PXDNL: variants seen among roughly 807,000 people sequenced by gnomAD.
PXDNL encodes probable oxidoreductase PXDNL.
A neutral mutation model predicts 150.8 loss-of-function variants in PXDNL; 145 were observed. The observed-to-expected ratio is 0.96, with a 90% CI of 0.84 to 1.10. The LOEUF is 1.10. PXDNL is among the 50% of genes least tolerant of loss of function. The pLI, the probability that PXDNL is intolerant of heterozygous loss-of-function variation, is 0.00. For synonymous variants in PXDNL, 757 were observed against 725.7 expected, an observed-to-expected ratio of 1.04 and a Z score of -0.69; for missense variants, 2,087 against 1,873.9, an observed-to-expected ratio of 1.11 and a Z score of -2.10.
intron 1 of PXDNL, among the ~76,000 whole-genome samples, chr8:51,803,444 G>C (rs2037642340): frequency 6.6e-6 from 1 of 151,936 alleles, no homozygotes; most frequent in Non-Finnish European, 1.5e-5. Context: ...AAATTCACTT[G>C]ACCCTGTCCC....
At chr8:51,648,750 T>C (rs1814975096) in intron 2 of PXDNL, among the ~76,000 whole-genome samples, 1 of 152,230 alleles carries the variant, frequency 6.6e-6, no homozygotes, top group African/African-American at 2.4e-5. Flanking sequence ...TTTATAGATA[T>C]GGAAACTAAC....
intron 2 of PXDNL, among the ~76,000 whole-genome samples, chr8:51,645,561 G>A (rs1356846236): frequency 6.6e-6 from 1 of 152,180 alleles, no homozygotes; most frequent in Non-Finnish European, 1.5e-5. Flanking sequence ...ACTGCTGATA[G>A]CAGTGAGGTG....
chr8:51,786,694 G>C (rs530294184), intron 1 of PXDNL, among the ~76,000 whole-genome samples: 1 of 152,194 alleles, frequency 6.6e-6, no homozygotes, highest in South Asian at 2.1e-4. Context: ...ACAAGGTGAA[G>C]CAGCAAGTTT....
chr8:51,580,801 G>T (rs183362877), intron 3 of PXDNL, among the ~76,000 whole-genome samples: 2 of 152,032 alleles, frequency 1.3e-5, no homozygotes, highest in African/African-American at 2.4e-5. Context: ...AAGAAATAAC[G>T]TCTCACATGT....
chr8:51,492,488 A>G (rs1821112), intron 5 of PXDNL, among the ~76,000 whole-genome samples: 54,840 of 151,880 alleles, frequency 0.36, 11,913 homozygotes, highest in African/African-American at 0.61. Flanking sequence ...GCAAGGCATC[A>G]CCTCACCCAG....
intron 19 of PXDNL, among the ~76,000 whole-genome samples, chr8:51,349,716 G>A (rs1047269881): frequency 6.6e-6 from 1 of 152,178 alleles, no homozygotes; most frequent in African/African-American, 2.4e-5. Flanking sequence ...AATAAACAAG[G>A]TCAAGTTTGG....
chr8:51,611,406 T>C (rs1421657878), intron 2 of PXDNL, among the ~76,000 whole-genome samples: 1 of 152,216 alleles, frequency 6.6e-6, no homozygotes, highest in East Asian at 1.9e-4. Flanking sequence ...GTGTTTATTA[T>C]ATTGTTTTAG....
Position 51,472,316 on chromosome 8 carries a change from G to C in PXDNL, c.695-12C>G, listed in dbSNP as rs771324895. The C allele has an allele frequency of 9.4e-6, 15 of 1,591,066 alleles. No individual in the cohort carries two copies. The African/African-American group carries it at 1.5e-4, about 16-fold the overall frequency. On this transcript the variant is annotated splice_polypyrimidine_tract_variant and intron_variant, in intron 7 of 22. Transcript: ENST00000356297. ...AATTCGGGGGCTCTCTGCAACAAAA[G>C]AATTATTGATGTATTTTTCAGAGAT...
At chr8:51,484,723 G>A (rs903248308) in intron 5 of PXDNL, among the ~76,000 whole-genome samples, 1 of 152,134 alleles carries the variant, frequency 6.6e-6, no homozygotes, top group African/African-American at 2.4e-5. Flanking sequence ...GAAGATCCAG[G>A]CCTCAGTACC....
chr8:51,455,798 A>G (rs528824907), intron 9 of PXDNL, among the ~76,000 whole-genome samples: 1 of 152,248 alleles, frequency 6.6e-6, no homozygotes, highest in African/African-American at 2.4e-5. Flanking sequence ...AGGCCTAGGC[A>G]GGAGGATCAC....
At chr8:51,547,557 T>G (rs1222671358) in intron 4 of PXDNL, among the ~76,000 whole-genome samples, 1 of 152,092 alleles carries the variant, frequency 6.6e-6, no homozygotes, top group East Asian at 1.9e-4. Flanking sequence ...TACAGCCCAG[T>G]AGCCCTACTG....
At chr8:51,765,891 T>C (rs1006568072) in intron 1 of PXDNL, among the ~76,000 whole-genome samples, 3 of 151,808 alleles carry the variant, frequency 2.0e-5, no homozygotes, top group Admixed American at 2.0e-4. Context: ...TCCCCCAGGC[T>C]GGAGTGCAGT....
chr8:51,505,237 T>C (rs1317980903), intron 4 of PXDNL, among the ~76,000 whole-genome samples: 2 of 152,172 alleles, frequency 1.3e-5, no homozygotes, highest in African/African-American at 4.8e-5. Context: ...ACAAAAATCT[T>C]CCTATGATCT....
At chr8:51,520,852 G>A (rs1282012350) in intron 4 of PXDNL, among the ~76,000 whole-genome samples, 2 of 151,972 alleles carry the variant, frequency 1.3e-5, no homozygotes, top group African/African-American at 4.8e-5. Flanking sequence ...CAAACATTCC[G>A]AAGAAACAAA....
rs776726469 is a variant in PXDNL at position 51,408,233 on chromosome 8, A to T, written c.3391T>A (p.Tyr1131Asn). The T allele has an allele frequency of 2.4e-5, 38 of 1,614,000 alleles. No individual in the cohort carries two copies. The South Asian group carries it at 3.5e-4, about 15-fold the overall frequency. ...ELTQRLFSAA[Y>N]SAAVDSAATI... is the part of the protein sequence containing the mutation. ...GCAGCCGAATCCACGGCCGCAGAAT[A>T]AGCCGCGGAGAAGAGCCTCTGGGTC... is the stretch of plus-strand genomic sequence containing the variant. The change falls in exon 17 of 23, where the codon TAT becomes AAT. Residue 1131 changes from tyrosine (Y) to asparagine (N), a missense_variant. Physicochemically the swap from Tyr to Asn is moderately radical, Grantham distance 143. Transcript: ENST00000356297.
At chr8:51,523,583 C>T (rs1209733533) in intron 4 of PXDNL, among the ~76,000 whole-genome samples, 2 of 152,184 alleles carry the variant, frequency 1.3e-5, no homozygotes, top group Non-Finnish European at 2.9e-5. Flanking sequence ...AAGAATTCAG[C>T]TAGATGATGC....
chr8:51,572,280 T>C (rs1177205396), intron 3 of PXDNL, among the ~76,000 whole-genome samples: 1 of 151,914 alleles, frequency 6.6e-6, no homozygotes, highest in Non-Finnish European at 1.5e-5. Context: ...GCAGTATTCA[T>C]AGCAGCATAA....
At chr8:51,608,449 T>C (rs1813919474) in intron 2 of PXDNL, among the ~76,000 whole-genome samples, 1 of 146,446 alleles carries the variant, frequency 6.8e-6, no homozygotes, top group African/African-American at 2.6e-5. Context: ...AAAGTCATGA[T>C]GTCATCAGGC....
intron 1 of PXDNL, among the ~76,000 whole-genome samples, chr8:51,728,609 G>T (rs1266983506): frequency 6.6e-6 from 1 of 151,810 alleles, no homozygotes; most frequent in Admixed American, 6.6e-5. Flanking sequence ...AAAAATTTAA[G>T]AATAAAAAAT....
Sources: gnomAD v4.1 joint callset for allele counts (sites outside exome capture counted in the v4.1 genomes callset) on GRCh38, gnomAD v4.1.1 for gene constraint, MANE v1.5 for transcripts, NCBI Gene and HGNC (gene_info 2026-07-23, HGNC 2026-07-21) for gene names.